Variants in GRID2 observed in about 807,000 individuals in gnomAD.
GRID2 encodes the protein glutamate receptor ionotropic, delta-2.
A neutral mutation model predicts 114.8 loss-of-function variants in GRID2; 33 were observed. The ratio of observed to expected loss-of-function variants is 0.29; its 90% CI spans 0.22 to 0.38. The LOEUF is 0.38. GRID2 is among the 10% of genes least tolerant of loss of function. GRID2 has a pLI of 1.00. For missense variants in GRID2, 1,184 were observed against 1,257.7 expected (o/e 0.94, Z 0.89); for synonymous variants, 505 against 449.9 (o/e 1.12, Z -1.55).
chr4:93,495,231 C>T (rs546410882), intron 12 of GRID2, among the ~76,000 whole-genome samples: 1 of 151,848 alleles, frequency 6.6e-6, no homozygotes, highest in Admixed American at 6.6e-5. Context: ...TATGGGATAG[C>T]ATTGCTTTCC....
intron 1 of GRID2, among the ~76,000 whole-genome samples, chr4:92,568,396 C>A (rs1727442178): frequency 1.3e-5 from 2 of 152,026 alleles, no homozygotes; most frequent in Admixed American, 1.3e-4. Flanking sequence ...ACTTTTACAA[C>A]AATCTTTTGT....
At chr4:93,184,463 C>G (rs1331107071) in intron 4 of GRID2, among the ~76,000 whole-genome samples, 1 of 149,696 alleles carries the variant, frequency 6.7e-6, no homozygotes, top group Non-Finnish European at 1.5e-5. Context: ...TGCTCCTCTC[C>G]TCTGCAACCA....
chr4:93,524,211 C>T (rs566830880), intron 13 of GRID2, among the ~76,000 whole-genome samples: 29 of 152,144 alleles, frequency 1.9e-4, no homozygotes, highest in African/African-American at 2.6e-4. Context: ...TTTGGTTCTA[C>T]GAAAACGCCA....
chr4:93,242,330 C>T (rs983046376), intron 8 of GRID2, among the ~76,000 whole-genome samples: 3 of 149,842 alleles, frequency 2.0e-5, no homozygotes, highest in African/African-American at 7.4e-5. Flanking sequence ...GCTATTGGCT[C>T]ACATGAGGCT....
intron 1 of GRID2, among the ~76,000 whole-genome samples, chr4:93,794,144 T>G (rs1278736883): frequency 6.6e-6 from 1 of 152,202 alleles, no homozygotes; most frequent in Non-Finnish European, 1.5e-5. Flanking sequence ...AAAATCAAAC[T>G]CCTAACAATT....
In GRID2 at chr4:93,274,746, C is replaced by T. The variant is rs994187213; in HGVS notation, c.1245+36256C>T. ...GGCTGTGCATAAAGGCTGGCTCCTG[C>T]TGCATGGTTAGAATCTTGAGATATA... On this transcript the variant is annotated intron_variant, in intron 8 of 15. Transcript: ENST00000282020. Among the ~76,000 whole-genome samples, 14 of 152,140 alleles carry T rather than the reference C, an allele frequency of 9.2e-5. No individual in the cohort carries two copies. The East Asian group carries it at 2.7e-3, about 29-fold the overall frequency.
chr4:92,338,771 G>A (rs527818855), intron 1 of GRID2, among the ~76,000 whole-genome samples: 8 of 152,140 alleles, frequency 5.3e-5, no homozygotes, highest in Non-Finnish European at 7.4e-5. Flanking sequence ...TTGTGTACAC[G>A]TAGAAAATCT....
At chr4:92,590,785 C>T (rs539305248) in intron 2 of GRID2, among the ~76,000 whole-genome samples, 6 of 152,110 alleles carry the variant, frequency 3.9e-5, no homozygotes, top group Non-Finnish European at 7.4e-5. Flanking sequence ...TTACTCTCTA[C>T]GAGGCACCAA....
At chr4:93,125,616 G>T (rs995428521) in intron 4 of GRID2, among the ~76,000 whole-genome samples, 1 of 152,040 alleles carries the variant, frequency 6.6e-6, no homozygotes. Context: ...AAAATTTATT[G>T]TGTAGAAATT....
At chr4:93,510,942 T>C (rs1729102305) in intron 12 of GRID2, among the ~76,000 whole-genome samples, 1 of 152,296 alleles carries the variant, frequency 6.6e-6, no homozygotes, top group Non-Finnish European at 1.5e-5. Flanking sequence ...ATTTTTATTT[T>C]TTATTTTCCT....
At chr4:92,407,725 G>C (rs1731095802) in intron 1 of GRID2, among the ~76,000 whole-genome samples, 1 of 152,066 alleles carries the variant, frequency 6.6e-6, no homozygotes, top group South Asian at 2.1e-4. Flanking sequence ...TTGCTTGTAT[G>C]TTTTCTTTTG....
intron 3 of GRID2, among the ~76,000 whole-genome samples, chr4:93,090,670 C>T (rs536186429): frequency 6.6e-6 from 1 of 152,272 alleles, no homozygotes; most frequent in South Asian, 2.1e-4. Flanking sequence ...TTATCTTCTG[C>T]TGATCTTTAC....
intron 13 of GRID2, among the ~76,000 whole-genome samples, chr4:93,532,016 A>G (rs1043153703): frequency 1.3e-5 from 2 of 152,166 alleles, no homozygotes; most frequent in African/African-American, 4.8e-5. Context: ...CTAAAGAGGA[A>G]GATAAAAAAG....
intron 13 of GRID2, among the ~76,000 whole-genome samples, chr4:93,532,100 T>A (rs1731505476): frequency 6.6e-6 from 1 of 152,124 alleles, no homozygotes; most frequent in Non-Finnish European, 1.5e-5. Flanking sequence ...CCAGGTAAAT[T>A]TGCCTAAACG....
chr4:92,811,717 A>C (rs1740669112), intron 2 of GRID2, among the ~76,000 whole-genome samples: 1 of 152,100 alleles, frequency 6.6e-6, no homozygotes, highest in Non-Finnish European at 1.5e-5. Context: ...ATATAATTTT[A>C]TTGTGAGTAA....
At chr4:92,397,944 C>G (rs1730585926) in intron 1 of GRID2, among the ~76,000 whole-genome samples, 1 of 132,380 alleles carries the variant, frequency 7.6e-6, no homozygotes, top group South Asian at 2.6e-4. Flanking sequence ...GAATCACTTG[C>G]AAATTTGTGT....
intron 1 of GRID2, among the ~76,000 whole-genome samples, chr4:92,382,709 A>G (rs1320689959): frequency 6.6e-6 from 1 of 151,924 alleles, no homozygotes; most frequent in Non-Finnish European, 1.5e-5. Context: ...TTTTATAATT[A>G]TTTTTGTTTT....
intron 11 of GRID2, among the ~76,000 whole-genome samples, chr4:93,463,172 T>G (rs564890971): frequency 1.3e-5 from 2 of 152,294 alleles, no homozygotes; most frequent in South Asian, 4.1e-4. Flanking sequence ...TTTCTTTCTT[T>G]TTATCGCACA....
At chr4:92,826,594 G>A (rs993797734) in intron 2 of GRID2, among the ~76,000 whole-genome samples, 1 of 152,010 alleles carries the variant, frequency 6.6e-6, no homozygotes, top group Non-Finnish European at 1.5e-5. Context: ...GACTCAGAAG[G>A]CTCTTGATAG....
Sources: allele counts gnomAD v4.1 joint callset (sites outside exome capture counted in the v4.1 genomes callset), GRCh38; gene constraint gnomAD v4.1.1; transcripts MANE v1.5; gene names NCBI Gene and HGNC (gene_info 2026-07-23, HGNC 2026-07-21).